MDFIC2: variants seen among roughly 807,000 people sequenced by gnomAD.
MDFIC2 encodes the protein MyoD family inhibitor domain containing 2, also known as myoD family inhibitor domain-containing protein 2.
In MDFIC2 at chr3:70,194,891, G is replaced by C. The variant is rs1457664711; in HGVS notation, c.*2035C>G. ...TTAGTGACTAGACCACGGGTAGAGG[G>C]GTGGGTGCTCAGAGAGGAGCCAAGA... is the stretch of plus-strand genomic sequence containing the variant. On this transcript the variant is annotated 3_prime_UTR_variant, in exon 4 of 4. Transcript: ENST00000567252. 1.3e-5 allele frequency among the ~76,000 whole-genome samples: 2 copies of C among 152,176 alleles called. No individual in the cohort carries two copies. The highest frequency in any genetic ancestry group is 4.8e-5 in the African/African-American group (2 of 41,452).
chr3:70,308,722 A>G (rs1021058005), intron 2 of MDFIC2, among the ~76,000 whole-genome samples: 1 of 152,170 alleles, frequency 6.6e-6, no homozygotes, highest in Admixed American at 6.5e-5. Flanking sequence ...AGTCTCTCCA[A>G]TTAATAACAC....
chr3:70,211,283 G>GACCTT (rs1701341777), intron 2 of MDFIC2, among the ~76,000 whole-genome samples: 1 of 121,078 alleles, frequency 8.3e-6, no homozygotes, highest in Non-Finnish European at 1.7e-5. Flanking sequence ...CCTTCCCTTT[G>GACCTT]CCCTTCCCTT....
At chr3:70,267,570 T>TTTTTG (rs1559549240) in intron 2 of MDFIC2, among the ~76,000 whole-genome samples, 10 of 36,954 alleles carry the variant, frequency 2.7e-4, no homozygotes, top group Non-Finnish European at 6.2e-4. Flanking sequence ...GCCCGGCTAA[T>TTTTTG]TTTTTGTATT....
At chr3:70,273,400 G>A (rs957065418) in intron 2 of MDFIC2, among the ~76,000 whole-genome samples, 2 of 152,182 alleles carry the variant, frequency 1.3e-5, no homozygotes, top group Non-Finnish European at 2.9e-5. Flanking sequence ...AGTCTTAAAA[G>A]CTTCAGGATG....
chr3:70,239,762 C>T (rs1258233626), intron 2 of MDFIC2, among the ~76,000 whole-genome samples: 1 of 152,062 alleles, frequency 6.6e-6, no homozygotes, highest in Non-Finnish European at 1.5e-5. Flanking sequence ...GATCATATCG[C>T]CCTATGTTAT....
intron 2 of MDFIC2, among the ~76,000 whole-genome samples, chr3:70,260,336 T>C (rs1701853540): frequency 6.6e-6 from 1 of 152,144 alleles, no homozygotes. Flanking sequence ...TCATATTGGA[T>C]TTAGGGGCCC....
chr3:70,246,999 C>T (rs939042505), intron 2 of MDFIC2, among the ~76,000 whole-genome samples: 4 of 151,948 alleles, frequency 2.6e-5, no homozygotes, highest in African/African-American at 9.7e-5. Context: ...TCATAATAAT[C>T]AGTGAGTGGT....
At chr3:70,256,737 TCTAA>T (rs1384341968) in intron 2 of MDFIC2, among the ~76,000 whole-genome samples, 3 of 152,176 alleles carry the variant, frequency 2.0e-5, no homozygotes, top group Non-Finnish European at 4.4e-5. Context: ...TCTAGGTCAT[TCTAA>T]CTGTCAGGAA....
intron 2 of MDFIC2, among the ~76,000 whole-genome samples, chr3:70,284,853 G>A (rs1702126467): frequency 1.3e-5 from 2 of 152,026 alleles, no homozygotes; most frequent in Non-Finnish European, 1.5e-5. Flanking sequence ...CATGACACAA[G>A]TTTACCTATG....
At chr3:70,242,998 G>A (rs1202301803) in intron 2 of MDFIC2, among the ~76,000 whole-genome samples, 2 of 152,180 alleles carry the variant, frequency 1.3e-5, no homozygotes, top group Non-Finnish European at 2.9e-5. Context: ...CCCAAGAGCA[G>A]AACGATATAA....
At chr3:70,220,531 T>A (rs916555733) in intron 2 of MDFIC2, among the ~76,000 whole-genome samples, 2 of 152,166 alleles carry the variant, frequency 1.3e-5, no homozygotes, top group African/African-American at 4.8e-5. Flanking sequence ...AAAATTGAAT[T>A]TACTACCAAA....
At chr3:70,287,093 T>G (rs1282072650) in intron 2 of MDFIC2, among the ~76,000 whole-genome samples, 1 of 141,888 alleles carries the variant, frequency 7.0e-6, no homozygotes, top group Non-Finnish European at 1.5e-5. Flanking sequence ...TCCAACACTA[T>G]GTTGAATAGG....
chr3:70,253,510 T>G (rs1320047825), intron 2 of MDFIC2, among the ~76,000 whole-genome samples: 1 of 152,168 alleles, frequency 6.6e-6, no homozygotes, highest in Non-Finnish European at 1.5e-5. Context: ...TCCCAGCACT[T>G]TGGGAGGCCA....
chr3:70,274,071 G>A (rs533838518), intron 2 of MDFIC2, among the ~76,000 whole-genome samples: 1 of 148,758 alleles, frequency 6.7e-6, no homozygotes, highest in South Asian at 2.3e-4. Flanking sequence ...GTGTGTGTGT[G>A]TGTGTGTGTG....
intron 2 of MDFIC2, among the ~76,000 whole-genome samples, chr3:70,269,825 C>T (rs552500752): frequency 6.6e-6 from 1 of 152,098 alleles, no homozygotes; most frequent in African/African-American, 2.4e-5. Flanking sequence ...CATCTCATTT[C>T]GAAAACAAAG....
chr3:70,305,119 C>T (rs1309235925), intron 2 of MDFIC2, among the ~76,000 whole-genome samples: 1 of 152,208 alleles, frequency 6.6e-6, no homozygotes, highest in Admixed American at 6.5e-5. Flanking sequence ...TCTATCACAA[C>T]ATCTTGTTTC....
intron 2 of MDFIC2, among the ~76,000 whole-genome samples, chr3:70,275,941 T>A (rs1171416069): frequency 6.6e-6 from 1 of 152,156 alleles, no homozygotes; most frequent in East Asian, 1.9e-4. Flanking sequence ...ACTAATCAGC[T>A]TTGATTAATA....
chr3:70,281,400 A>G lies in MDFIC2; in HGVS notation c.88+30486T>C, dbSNP rs1446045283. Among the ~76,000 whole-genome samples, 5 of 152,186 alleles carry G rather than the reference A, an allele frequency of 3.3e-5. No individual in the cohort carries two copies. The East Asian group carries it at 9.6e-4, about 29-fold the overall frequency. ...GGGTACGATCATAAGCTTCAGAATT[A>G]AACCCCGTTTTCTAGAATTCTGTCT... On this transcript the variant is annotated intron_variant, in intron 2 of 3. Coordinates refer to ENST00000567252, the MANE Select transcript of MDFIC2 (RefSeq NM_001364677.1).
chr3:70,293,518 T>C (rs1234775767), intron 2 of MDFIC2, among the ~76,000 whole-genome samples: 2 of 152,076 alleles, frequency 1.3e-5, no homozygotes, highest in African/African-American at 4.8e-5. Flanking sequence ...TTGCCTATAT[T>C]TCTGATTGAA....
Sources: gnomAD v4.1 joint callset for allele counts (sites outside exome capture counted in the v4.1 genomes callset) on GRCh38, gnomAD v4.1.1 for gene constraint, MANE v1.5 for transcripts, NCBI Gene and HGNC (gene_info 2026-07-23, HGNC 2026-07-21) for gene names.